ZCCHC14: variants seen among roughly 807,000 people sequenced by gnomAD.
The protein encoded by ZCCHC14 is zinc finger CCHC-type containing 14.
Under a neutral mutation model 85.0 loss-of-function variants are expected in ZCCHC14, and 16 were observed. That is an observed-to-expected ratio of 0.19 (90% CI 0.13 to 0.29). The LOEUF (loss-of-function observed/expected upper bound fraction) is 0.29, where lower values mean the gene tolerates loss of function less well. Ranked by LOEUF, ZCCHC14 falls within the 10% of genes least tolerant of loss-of-function variation. ZCCHC14 has a pLI of 1.00. For synonymous variants in ZCCHC14, 775 were observed against 630.7 expected (o/e 1.23, Z -3.43); for missense variants, 1,303 against 1,443.5 (o/e 0.90, Z 1.58).
Position 87,435,753 on chromosome 16 carries a change from C to A in ZCCHC14, c.695-2552G>T, listed in dbSNP as rs77149018. 7.6e-3 allele frequency among the ~76,000 whole-genome samples: 1,153 copies of A among 152,338 alleles called. 14 individuals carry two copies. The highest frequency in any genetic ancestry group is 0.026 in the African/African-American group (1,088 of 41,574). ...GCGGGAGTCCACTCGCTTTAGAGTT[C>A]TTTAAGCTTAAAATAGCACCTCACA... is the stretch of plus-strand genomic sequence containing the variant. On this transcript the variant is annotated intron_variant, in intron 2 of 12. Transcript: ENST00000671377.
At chr16:87,446,847 C>A (rs1038309412) in intron 2 of ZCCHC14, among the ~76,000 whole-genome samples, 1 of 151,986 alleles carries the variant, frequency 6.6e-6, no homozygotes, top group African/African-American at 2.4e-5. Flanking sequence ...CCATGCCTGG[C>A]TAGTTTTTTT....
intron 2 of ZCCHC14, among the ~76,000 whole-genome samples, chr16:87,450,976 A>G (rs146089890): frequency 0.024 from 3,696 of 151,848 alleles, 80 homozygotes; most frequent in Middle Eastern, 0.1. Context: ...TTGCCTCACA[A>G]CAACCTCTGC....
intron 1 of ZCCHC14, among the ~76,000 whole-genome samples, chr16:87,468,386 T>C (rs28485311): frequency 0.15 from 22,070 of 152,044 alleles, 2,168 homozygotes; most frequent in East Asian, 0.45. Context: ...TGTCATCACA[T>C]TGTGTTGTGC....
intron 3 of ZCCHC14, among the ~76,000 whole-genome samples, chr16:87,431,366 A>C (rs1418180708): frequency 6.7e-6 from 1 of 149,672 alleles, no homozygotes; most frequent in Non-Finnish European, 1.5e-5. Flanking sequence ...CCAGCTACTC[A>C]GGAGGCTGAG....
chr16:87,423,207 G>T (rs1909195018), intron 4 of ZCCHC14, among the ~76,000 whole-genome samples: 1 of 152,158 alleles, frequency 6.6e-6, no homozygotes, highest in Non-Finnish European at 1.5e-5. Flanking sequence ...TGCACACGGA[G>T]GCAAAGAGGC....
rs778642350 is a variant in ZCCHC14 at position 87,460,036 on chromosome 16, G to A, written c.666C>T (p.Pro222=). The change falls in exon 2 of 13, where the codon CCC becomes CCT. Residue 222 remains proline (P), a synonymous_variant. Transcript: ENST00000671377. ...TSAHSTEESL[P]KRPLGKHSKV... ...TGCTGTGTTTTCCTAAGGGCCTCTT[G>A]GGCAGCGACTCCTCCGTGGAATGTG... 9 of 1,613,978 alleles carry A rather than the reference G, an allele frequency of 5.6e-6. No individual in the cohort carries two copies. In the South Asian group the frequency reaches 9.9e-5, roughly 18 times the overall value.
intron 1 of ZCCHC14, among the ~76,000 whole-genome samples, chr16:87,485,739 G>A (rs113624538): frequency 5.9e-5 from 9 of 152,118 alleles, no homozygotes; most frequent in Non-Finnish European, 1.2e-4. Context: ...GCCCCAGCGC[G>A]AGTACCTCTT....
chr16:87,431,123 G>A (rs1909634820), intron 3 of ZCCHC14, among the ~76,000 whole-genome samples: 1 of 150,320 alleles, frequency 6.7e-6, no homozygotes, highest in Admixed American at 6.7e-5. Context: ...TGGTGACAGA[G>A]CAAGACAGTG....
chr16:87,435,658 C>T (rs572262041), intron 2 of ZCCHC14, among the ~76,000 whole-genome samples: 6 of 152,376 alleles, frequency 3.9e-5, no homozygotes, highest in African/African-American at 7.2e-5. Context: ...TCGTGGAGCA[C>T]GAGGCAGCGG....
At chr16:87,466,326 A>T (rs911713926) in intron 1 of ZCCHC14, among the ~76,000 whole-genome samples, 9 of 152,228 alleles carry the variant, frequency 5.9e-5, no homozygotes, top group Middle Eastern at 3.2e-3. Flanking sequence ...GGACGTGCTG[A>T]CGCAGTCAGA....
chr16:87,481,968 G>A (rs533287909), intron 1 of ZCCHC14, among the ~76,000 whole-genome samples: 3 of 152,302 alleles, frequency 2.0e-5, no homozygotes, highest in East Asian at 3.9e-4. Flanking sequence ...GGGAAAGGGC[G>A]AGAGAGCCAG....
chr16:87,435,634 A>G (rs1909884438), intron 2 of ZCCHC14, among the ~76,000 whole-genome samples: 1 of 152,256 alleles, frequency 6.6e-6, no homozygotes, highest in Non-Finnish European at 1.5e-5. Context: ...GTCACCCTGC[A>G]GGTGCTGTGA....
chr16:87,442,672 C>T (rs1273569152), intron 2 of ZCCHC14, among the ~76,000 whole-genome samples: 1 of 152,150 alleles, frequency 6.6e-6, no homozygotes, highest in Non-Finnish European at 1.5e-5. Context: ...ATGAGCTTAT[C>T]CAAACAAGAT....
intron 10 of ZCCHC14, 56 bp from the exon 11 acceptor site, chr16:87,413,251 C>A: frequency 6.8e-7 from 1 of 1,462,314 alleles, no homozygotes; most frequent in South Asian, 1.4e-5. Context: ...AGGCTCAGCC[C>A]GCCCCGTGCC....
chr16:87,491,016 T>C lies in ZCCHC14; in HGVS notation c.570+653A>G, dbSNP rs903960407. Among the ~76,000 whole-genome samples, 4 of 152,270 alleles carry C rather than the reference T, an allele frequency of 2.6e-5. No individual in the cohort carries two copies. Among genetic ancestry groups the C allele is most frequent in the Non-Finnish European group, 4.4e-5 (3 of 68,050 alleles). On this transcript the variant is annotated intron_variant, in intron 1 of 12. Coordinates refer to ENST00000671377, the MANE Select transcript of ZCCHC14 (RefSeq NM_015144.3). The surrounding 1 kb of genome is among the most constrained non-coding windows in gnomAD (Gnocchi z 5.9). ...CAATGTTCACCTCACCGGCGGCTTC[T>C]GGCGTGGCCACGGCTCCTTCCTTTT...
rs1366893718 is a variant in ZCCHC14 at position 87,478,192 on chromosome 16, A to G, written c.570+13477T>C. Among the ~76,000 whole-genome samples the G allele has an allele frequency of 2.0e-5, 3 of 152,354 alleles. No individual in the cohort carries two copies. The East Asian group carries it at 5.8e-4, about 29-fold the overall frequency. On this transcript the variant is annotated intron_variant, in intron 1 of 12. Transcript: ENST00000671377. ...ACACATATAAGTGCTTTGAGAAATG[A>G]CACACTGCACGACGTGTGGCACAAT...
At chr16:87,430,406 T>C (rs1909593378) in intron 3 of ZCCHC14, among the ~76,000 whole-genome samples, 1 of 152,216 alleles carries the variant, frequency 6.6e-6, no homozygotes, top group Non-Finnish European at 1.5e-5. Flanking sequence ...CCTCACAGCG[T>C]TGTGATCCTG....
At chr16:87,464,990 C>G (rs1597442655) in intron 1 of ZCCHC14, among the ~76,000 whole-genome samples, 1 of 152,206 alleles carries the variant, frequency 6.6e-6, no homozygotes, top group African/African-American at 2.4e-5. Flanking sequence ...TCTCCACAGC[C>G]AGCCTCTTCC....
intron 2 of ZCCHC14, among the ~76,000 whole-genome samples, chr16:87,447,773 G>C (rs4559917): frequency 0.48 from 73,705 of 152,094 alleles, 20,022 homozygotes; most frequent in Non-Finnish European, 0.64. Context: ...CATAAGAAAT[G>C]CCAAATTGTT....
Sources: allele counts gnomAD v4.1 joint callset (sites outside exome capture counted in the v4.1 genomes callset), GRCh38; gene constraint gnomAD v4.1.1; non-coding constraint Gnocchi (gnomAD v3.1); transcripts MANE v1.5; gene names NCBI Gene and HGNC (gene_info 2026-07-23, HGNC 2026-07-21).